FANCB: variants seen among roughly 807,000 people sequenced by gnomAD.
FANCB encodes Fanconi anemia group B protein.
In FANCB, 5 loss-of-function variants were observed where a neutral mutation model predicts 38.9. The ratio of observed to expected loss-of-function variants is 0.13; its 90% CI spans 0.07 to 0.27. The LOEUF is 0.27. Among genes scored for constraint, FANCB ranks in the 10% least tolerant of loss-of-function variants. The pLI is 1.00. For missense variants in FANCB, 573 were observed against 602.7 expected, an observed-to-expected ratio of 0.95 and a Z score of 0.52; for synonymous variants, 236 against 215.4, an observed-to-expected ratio of 1.10 and a Z score of -0.84.
the FANCB span, among the ~76,000 whole-genome samples, chrX:14,763,773 T>C: frequency 8.9e-6 from 1 of 112,012 alleles, no homozygotes; most frequent in South Asian, 3.7e-4. Context: ...TTCTAAACTC[T>C]TAGACTATTT....
At chrX:14,780,515 A>G in the FANCB span, among the ~76,000 whole-genome samples, 53 of 111,312 alleles carry the variant, frequency 4.8e-4, 6 homozygotes, top group African/African-American at 1.6e-3. Context: ...AATAACACAG[A>G]AGGTTAGAGT....
At chrX:14,764,375 A>G in the FANCB span, among the ~76,000 whole-genome samples, 2 of 111,228 alleles carry the variant, frequency 1.8e-5, no homozygotes, top group Non-Finnish European at 3.8e-5. Context: ...GCTTCTCAAC[A>G]TGGTAGCTTC....
chrX:14,788,820 C>T, the FANCB span, among the ~76,000 whole-genome samples: 1 of 111,774 alleles, frequency 8.9e-6, no homozygotes, highest in Non-Finnish European at 1.9e-5. Context: ...AATAGAGTGG[C>T]CCTAAATCAC....
In FANCB at chrX:14,859,237, T is replaced by G. The variant is rs757806819; in HGVS notation, c.1049A>C (p.Asn350Thr). Residue 350 changes from asparagine (N) to threonine (T), a missense_variant, in exon 4 of 10, where the codon AAC becomes ACC. Physicochemically the swap from Asn to Thr is moderately conservative, Grantham distance 65 (BLOSUM62 0). Coordinates refer to ENST00000650831, the MANE Select transcript of FANCB (RefSeq NM_001018113.3). ...QVLLLFKDSL[N>T]SDCLTSFKIT... ...TTTAAATGAAGTCAGGCAGTCTGAG[T>G]TCAAGGAGTCCTTAAAAAGTAGGAG... 5.1e-6 allele frequency: 6 copies of G among 1,182,925 alleles called. No homozygotes were observed. Among genetic ancestry groups the G allele is most frequent in the African/African-American group, 1.8e-5 (1 of 56,707 alleles).
chrX:14,714,940 A>G, the FANCB span, among the ~76,000 whole-genome samples: 2 of 112,295 alleles, frequency 1.8e-5, no homozygotes. Flanking sequence ...TGTTATACAA[A>G]TACTCCTTAG....
At chrX:14,848,088 T>C (rs1388112561) in intron 7 of FANCB, among the ~76,000 whole-genome samples, 2 of 112,351 alleles carry the variant, frequency 1.8e-5, no homozygotes, top group Non-Finnish European at 3.8e-5. Flanking sequence ...AGATTTCTAC[T>C]GCATTCCAGG....
At chrX:14,858,312 T>C (rs946549029) in intron 4 of FANCB, among the ~76,000 whole-genome samples, 1 of 109,936 alleles carries the variant, frequency 9.1e-6, no homozygotes, top group Non-Finnish European at 1.9e-5. Flanking sequence ...GGAGAATCGT[T>C]TGAACCCAGG....
At position 14,845,193 on chromosome X, in the gene FANCB, C is replaced by T. The variant is rs1174458096; in HGVS notation, c.1590G>A (p.Leu530=). Reference sequence around the variant, plus strand: ...ATGGTGCTGGGAAAGGATTTGTACTCAACTTAATCACCCTATTTTGACACT... The same window carrying T: ...ATGGTGCTGGGAAAGGATTTGTACTTAACTTAATCACCCTATTTTGACACT... ...LLKCQNRVIK[L]STNPFPAPYL... The change falls in exon 8 of 10, where the codon TTG becomes TTA. Residue 530 remains leucine, a synonymous_variant. Coordinates refer to ENST00000650831, the MANE Select transcript of FANCB (RefSeq NM_001018113.3). 2 of 1,209,026 alleles carry T rather than the reference C, an allele frequency of 1.7e-6. No individual in the cohort carries two copies. Among genetic ancestry groups the T allele is most frequent in the East Asian group, 3.0e-5 (1 of 33,801 alleles).
the FANCB span, among the ~76,000 whole-genome samples, chrX:14,700,601 A>C: frequency 8.9e-6 from 1 of 112,017 alleles, no homozygotes; most frequent in Non-Finnish European, 1.9e-5. Context: ...AGGAAGTCAG[A>C]GGACATTGGT....
At chrX:14,701,811 C>A in the FANCB span, among the ~76,000 whole-genome samples, 4 of 112,304 alleles carry the variant, frequency 3.6e-5, no homozygotes, top group African/African-American at 1.3e-4. Flanking sequence ...GGGAGTTTTG[C>A]TTTACAGATT....
the FANCB span, among the ~76,000 whole-genome samples, chrX:14,720,476 C>A: frequency 9.0e-6 from 1 of 111,466 alleles, no homozygotes; most frequent in Admixed American, 9.5e-5. Context: ...ACTCAACAGA[C>A]AATATGGAGA....
downstream of FANCB, among the ~76,000 whole-genome samples, chrX:14,840,884 G>GT (rs2092353217): frequency 8.9e-6 from 1 of 111,971 alleles, no homozygotes; most frequent in Non-Finnish European, 1.9e-5. Flanking sequence ...AGCATGGTAG[G>GT]TGTCTAATTT....
At chrX:14,792,982 C>T in the FANCB span, among the ~76,000 whole-genome samples, 1 of 111,855 alleles carries the variant, frequency 8.9e-6, no homozygotes, top group Non-Finnish European at 1.9e-5. Flanking sequence ...GTAGCTAATT[C>T]TACATTTCCA....
chrX:14,750,465 G>A, the FANCB span, among the ~76,000 whole-genome samples: 2 of 112,033 alleles, frequency 1.8e-5, no homozygotes, highest in Admixed American at 1.9e-4. Flanking sequence ...AGGAAAAGAT[G>A]AAGGAGGAAC....
the FANCB span, among the ~76,000 whole-genome samples, chrX:14,720,044 G>A: frequency 3.6e-5 from 4 of 111,453 alleles, no homozygotes; most frequent in Non-Finnish European, 7.5e-5. Flanking sequence ...GAGAAGGGTA[G>A]AAAGGAGTGA....
intron 5 of FANCB, among the ~76,000 whole-genome samples, chrX:14,854,775 G>T (rs1011204539): frequency 9.0e-6 from 1 of 111,651 alleles, no homozygotes; most frequent in Non-Finnish European, 1.9e-5. Context: ...AAATCAAAAA[G>T]TAGCATTCCA....
the FANCB span, among the ~76,000 whole-genome samples, chrX:14,704,949 G>A: frequency 8.9e-6 from 1 of 112,034 alleles, no homozygotes; most frequent in Non-Finnish European, 1.9e-5. Flanking sequence ...TGGAGCTGTG[G>A]CAATTCCCAG....
At chrX:14,720,205 C>G in the FANCB span, among the ~76,000 whole-genome samples, 1 of 111,465 alleles carries the variant, frequency 9.0e-6, no homozygotes, top group East Asian at 2.8e-4. Context: ...CAACACAACA[C>G]AGTGATTAAG....
chrX:14,732,734 T>C, the FANCB span, among the ~76,000 whole-genome samples: 3 of 112,291 alleles, frequency 2.7e-5, no homozygotes. Context: ...GGGTTGATTT[T>C]TTCCTGTAAA....
Sources: allele counts gnomAD v4.1 joint callset (sites outside exome capture counted in the v4.1 genomes callset), GRCh38; gene constraint gnomAD v4.1.1; transcripts MANE v1.5; gene names NCBI Gene and HGNC (gene_info 2026-07-23, HGNC 2026-07-21).